CUL1: variants seen among roughly 807,000 people sequenced by gnomAD.
CUL1 encodes cullin 1.
In CUL1, 24 loss-of-function variants were observed where a neutral mutation model predicts 118.0. The observed-to-expected ratio is 0.20, with a 90% confidence interval of 0.15 to 0.29. The LOEUF (loss-of-function observed/expected upper bound fraction) is 0.29, where lower values mean the gene tolerates loss of function less well. Among genes scored for constraint, CUL1 ranks in the 10% least tolerant of loss-of-function variants. The pLI is 1.00. For missense variants in CUL1, 361 were observed against 933.8 expected (o/e 0.39, Z 7.99); for synonymous variants, 332 against 340.4 (o/e 0.98, Z 0.27).
At chr7:148,716,100 C>T (rs1584762203) in intron 1 of CUL1, among the ~76,000 whole-genome samples, 1 of 152,194 alleles carries the variant, frequency 6.6e-6, no homozygotes, top group East Asian at 1.9e-4. Flanking sequence ...GCTATAATTG[C>T]TTGAGATCCT....
chr7:148,762,446 T>C (rs1273900522), intron 7 of CUL1, among the ~76,000 whole-genome samples: 1 of 152,200 alleles, frequency 6.6e-6, no homozygotes. Context: ...GTTCCTTGTG[T>C]ATAATGGTGG....
chr7:148,786,645 A>T, intron 12 of CUL1, 46 bp downstream of exon 12: 1 of 1,493,324 alleles, frequency 6.7e-7, no homozygotes, highest in Non-Finnish European at 9.3e-7. Context: ...TGTGTATTTC[A>T]CAAGCTGTTT....
At chr7:148,757,206 TG>T in intron 4 of CUL1, 56 bp downstream of exon 4, 1 of 1,189,972 alleles carries the variant, frequency 8.4e-7, no homozygotes, top group Admixed American at 2.8e-5. Flanking sequence ...TTTTTTTTAA[TG>T]GCAAATTGTC....
chr7:148,711,657 G>T (rs1798055813), intron 1 of CUL1, among the ~76,000 whole-genome samples: 1 of 152,048 alleles, frequency 6.6e-6, no homozygotes, highest in Admixed American at 6.5e-5. Context: ...TCGACTCAGG[G>T]TTAAATTATC....
chr7:148,780,423 G>A lies in CUL1; in HGVS notation c.1084-3360G>A, dbSNP rs181489348. On this transcript the variant is annotated intron_variant, in intron 9 of 21. Transcript: ENST00000325222. ...AATAAAACGTTGAAAAGAAATGGAC[G>A]GGTTGTATGGATTGAGTGGATTCAC... 1.6e-3 allele frequency among the ~76,000 whole-genome samples: 245 copies of A among 152,322 alleles called. 2 individuals are homozygous for A. Among genetic ancestry groups the A allele is most frequent in the African/African-American group, 5.2e-3 (218 of 41,568 alleles).
chr7:148,719,431 A>G (rs781063003), intron 1 of CUL1, among the ~76,000 whole-genome samples: 3 of 152,166 alleles, frequency 2.0e-5, no homozygotes, highest in African/African-American at 7.2e-5. Flanking sequence ...CCATAGTTTT[A>G]TATAGAAAGG....
intron 12 of CUL1, 134 bp from the exon 13 acceptor site, chr7:148,786,855 T>TAAACGTTGGCG: frequency 8.3e-7 from 1 of 1,207,212 alleles, no homozygotes; most frequent in Non-Finnish European, 1.2e-6. Context: ...TTTGCCATCA[T>TAAACGTTGGCG]AAACGTTGGC....
At chr7:148,755,245 A>G (rs1250466402) in intron 3 of CUL1, among the ~76,000 whole-genome samples, 3 of 151,524 alleles carry the variant, frequency 2.0e-5, no homozygotes, top group Non-Finnish European at 4.4e-5. Flanking sequence ...AGGCAGTGTG[A>G]CTCCTTGTAT....
intron 7 of CUL1, among the ~76,000 whole-genome samples, chr7:148,761,011 A>C (rs1193693397): frequency 1.3e-5 from 2 of 152,038 alleles, no homozygotes; most frequent in East Asian, 3.9e-4. Flanking sequence ...GAGCCACCAC[A>C]CTCAGCTAAT....
At chr7:148,721,403 TG>T (rs1798391584) in intron 1 of CUL1, among the ~76,000 whole-genome samples, 1 of 152,228 alleles carries the variant, frequency 6.6e-6, no homozygotes, top group Non-Finnish European at 1.5e-5. Flanking sequence ...CTGAGGTTTT[TG>T]TTAGCTTTTT....
At chr7:148,741,349 T>A (rs947059528) in intron 2 of CUL1, among the ~76,000 whole-genome samples, 4 of 152,222 alleles carry the variant, frequency 2.6e-5, no homozygotes, top group Non-Finnish European at 1.5e-5. Flanking sequence ...GTGGCTGCAT[T>A]ATATTACTTT....
At chr7:148,781,342 A>G (rs930881713) in intron 9 of CUL1, among the ~76,000 whole-genome samples, 3 of 151,920 alleles carry the variant, frequency 2.0e-5, no homozygotes, top group Non-Finnish European at 2.9e-5. Flanking sequence ...ACGCCTCCCA[A>G]AGTTCTGGGA....
chr7:148,721,311 G>A (rs1423235080), intron 1 of CUL1, among the ~76,000 whole-genome samples: 5 of 152,074 alleles, frequency 3.3e-5, no homozygotes, highest in Admixed American at 6.6e-5. Flanking sequence ...CAAACCCATC[G>A]TTACCCCACA....
chr7:148,774,713 A>G lies in CUL1; in HGVS notation c.1083+6964A>G, dbSNP rs181741886. 5.2e-3 allele frequency among the ~76,000 whole-genome samples: 797 copies of G among 152,334 alleles called. 12 individuals carry two copies. The highest frequency in any genetic ancestry group is 0.018 in the African/African-American group (742 of 41,574). On this transcript the variant is annotated intron_variant, in intron 9 of 21. Coordinates refer to ENST00000325222, the MANE Select transcript of CUL1 (RefSeq NM_003592.3). ...GTGTCCTCAGCCTAACAGGTATTGC[A>G]GTGTGGCCCAACAGAGATGGGTCTG...
At chr7:148,795,569 A>G (rs1252680023) in intron 17 of CUL1, among the ~76,000 whole-genome samples, 1 of 152,104 alleles carries the variant, frequency 6.6e-6, no homozygotes, top group Non-Finnish European at 1.5e-5. Context: ...GATCGAGACC[A>G]TCCTGGCTAA....
At chr7:148,752,748 A>C (rs1411687955) in intron 2 of CUL1, among the ~76,000 whole-genome samples, 2 of 152,194 alleles carry the variant, frequency 1.3e-5, no homozygotes, top group East Asian at 3.8e-4. Flanking sequence ...TCCCGGGTTC[A>C]TGCCATTCTC....
At chr7:148,795,045 C>G (rs1432627999) in intron 17 of CUL1, among the ~76,000 whole-genome samples, 6 of 151,936 alleles carry the variant, frequency 3.9e-5, no homozygotes, top group African/African-American at 1.2e-4. Flanking sequence ...GTTGACCAGG[C>G]TGGTCTTGAA....
chr7:148,707,687 G>A (rs1797931143), intron 1 of CUL1, among the ~76,000 whole-genome samples: 1 of 152,014 alleles, frequency 6.6e-6, no homozygotes, highest in Admixed American at 6.5e-5. Flanking sequence ...GCCCTTCCCG[G>A]TGTCCATGGA....
intron 9 of CUL1, among the ~76,000 whole-genome samples, chr7:148,778,914 C>G (rs1426047206): frequency 6.6e-6 from 1 of 152,144 alleles, no homozygotes; most frequent in African/African-American, 2.4e-5. Context: ...CCTGTAGCAC[C>G]CCATTATTCC....
Sources: gnomAD v4.1 joint callset for allele counts (sites outside exome capture counted in the v4.1 genomes callset) on GRCh38, gnomAD v4.1.1 for gene constraint, MANE v1.5 for transcripts, NCBI Gene and HGNC (gene_info 2026-07-23, HGNC 2026-07-21) for gene names.